Variants in HEATR5A observed in about 807,000 individuals in gnomAD.
HEATR5A encodes HEAT repeat containing 5A.
HEATR5A carries 178 observed loss-of-function variants against 218.8 expected under a neutral mutation model. The observed-to-expected ratio is 0.81, with a 90% CI of 0.72 to 0.92. The LOEUF is 0.92. Among genes scored for constraint, HEATR5A ranks in the 40% least tolerant of loss-of-function variants. HEATR5A has a pLI of 0.00. For synonymous variants in HEATR5A, 864 were observed against 871.6 expected, an observed-to-expected ratio of 0.99 and a Z score of 0.15; for missense variants, 2,420 against 2,418.9, an observed-to-expected ratio of 1.00 and a Z score of -0.01.
chr14:31,382,576 T>C (rs1265861164), intron 10 of HEATR5A, among the ~76,000 whole-genome samples: 5 of 152,092 alleles, frequency 3.3e-5, no homozygotes, highest in Admixed American at 3.3e-4. Flanking sequence ...TGCTTGCCTA[T>C]GTTGTATTAT....
chr14:31,293,938 C>G lies in HEATR5A; in HGVS notation c.5786G>C (p.Gly1929Ala), dbSNP rs1357556541. 1.9e-6 allele frequency: 3 copies of G among 1,607,374 alleles called. No homozygotes were observed. The highest frequency in any genetic ancestry group is 2.5e-6 in the Non-Finnish European group (3 of 1,176,708). ...AACCAGTGTTTCTAAGACCTTTATG[C>G]CTTCTTGGAAGATCTCAAGCTCAGC... is the stretch of plus-strand genomic sequence containing the variant. ...NTAELEIFQE[G>A]IKVLETLVTV... The change falls in exon 35 of 36, where the codon GGC (glycine) becomes GCC (alanine). Residue 1929 changes from glycine (G) to alanine (A), a missense_variant. Gly to Ala is a moderately conservative substitution (Grantham distance 60). Transcript: ENST00000543095.
At chr14:31,337,952 T>C (rs915085132) in intron 21 of HEATR5A, among the ~76,000 whole-genome samples, 2 of 152,234 alleles carry the variant, frequency 1.3e-5, no homozygotes, top group South Asian at 4.1e-4. Context: ...TTGCAGTTCA[T>C]ACATTTGTGT....
intron 14 of HEATR5A, among the ~76,000 whole-genome samples, chr14:31,361,540 T>A (rs550633279): frequency 2.0e-5 from 3 of 152,176 alleles, no homozygotes; most frequent in African/African-American, 7.2e-5. Flanking sequence ...GTGAAAATAG[T>A]AGAAAATCTC....
rs79652671 is a variant in HEATR5A, at chr14:31,392,190, G to A, written c.772+1862C>T. ...GCATAACATCAAAAAGCACTGCCAG[G>A]TGTGGTGTCAGTCTGTCCCTACACA... On this transcript the variant is annotated intron_variant, in intron 6 of 35. Transcript: ENST00000543095. Among the ~76,000 whole-genome samples, 981 of 152,242 alleles carry A rather than the reference G, an allele frequency of 6.4e-3. 9 individuals carry two copies. Among genetic ancestry groups the A allele is most frequent in the Non-Finnish European group, 8.2e-3 (557 of 68,002 alleles).
intron 21 of HEATR5A, among the ~76,000 whole-genome samples, chr14:31,339,295 T>C (rs780364284): frequency 2.1e-5 from 3 of 145,816 alleles, no homozygotes; most frequent in African/African-American, 7.6e-5. Flanking sequence ...ACTAGTAACA[T>C]AAAAATTAGC....
At chr14:31,308,564 T>C (rs1344117810) in intron 29 of HEATR5A, among the ~76,000 whole-genome samples, 2 of 151,152 alleles carry the variant, frequency 1.3e-5, no homozygotes, top group East Asian at 3.9e-4. Flanking sequence ...TTAGTTGCTA[T>C]GAAACAGTTC....
At chr14:31,397,578 G>C (rs551589670) in intron 4 of HEATR5A, among the ~76,000 whole-genome samples, 2 of 151,578 alleles carry the variant, frequency 1.3e-5, no homozygotes, top group African/African-American at 2.4e-5. Flanking sequence ...AGAATTGCTG[G>C]AGCCCAGGAG....
chr14:31,302,153 T>C (rs1899404780), intron 33 of HEATR5A, 142 bp downstream of exon 33: 1 of 647,464 alleles, frequency 1.5e-6, no homozygotes, highest in African/African-American at 1.8e-5. Context: ...TACTTATACA[T>C]ATCCTCTAAA....
At chr14:31,416,273 C>G (rs564840862) in intron 1 of HEATR5A, among the ~76,000 whole-genome samples, 1 of 152,078 alleles carries the variant, frequency 6.6e-6, no homozygotes, top group Non-Finnish European at 1.5e-5. Flanking sequence ...CCGGCCACCA[C>G]GCCCGGCTAA....
At chr14:31,416,371 C>T (rs1024666395) in intron 1 of HEATR5A, among the ~76,000 whole-genome samples, 4 of 152,180 alleles carry the variant, frequency 2.6e-5, no homozygotes, top group Admixed American at 2.6e-4. Flanking sequence ...ATCTGCCCGC[C>T]TTGGCCTCCC....
At chr14:31,374,759 AC>A (rs1002997735) in intron 12 of HEATR5A, 56 bp downstream of exon 12, 1 of 1,507,776 alleles carries the variant, frequency 6.6e-7, no homozygotes, top group African/African-American at 1.4e-5. Context: ...CATGTTAAAG[AC>A]AAAGGGTGGG....
intron 13 of HEATR5A, among the ~76,000 whole-genome samples, chr14:31,366,601 G>A (rs1289021165): frequency 6.6e-6 from 1 of 151,982 alleles, no homozygotes; most frequent in African/African-American, 2.4e-5. Flanking sequence ...GTCCCTGCAG[G>A]GCCTTCCTGC....
At chr14:31,355,256 A>C (rs1177638633) in intron 16 of HEATR5A, among the ~76,000 whole-genome samples, 1 of 152,000 alleles carries the variant, frequency 6.6e-6, no homozygotes, top group Non-Finnish European at 1.5e-5. Flanking sequence ...TCTACTAAAA[A>C]TATAAAAATT....
intron 28 of HEATR5A, among the ~76,000 whole-genome samples, chr14:31,311,872 T>C (rs958051406): frequency 6.6e-6 from 1 of 152,168 alleles, no homozygotes; most frequent in Non-Finnish European, 1.5e-5. Context: ...GGTTTTTATA[T>C]CCTAATGTGA....
chr14:31,404,464 C>G (rs2030987087), intron 1 of HEATR5A, among the ~76,000 whole-genome samples: 1 of 152,084 alleles, frequency 6.6e-6, no homozygotes, highest in African/African-American at 2.4e-5. Context: ...TTTGAAATTA[C>G]TTAGAATATC....
chr14:31,403,752 C>G (rs1332541173), intron 1 of HEATR5A, among the ~76,000 whole-genome samples: 1 of 152,222 alleles, frequency 6.6e-6, no homozygotes, highest in African/African-American at 2.4e-5. Context: ...AAACAATCAA[C>G]AGAAGACACA....
At position 31,401,803 on chromosome 14, in the gene HEATR5A, T is replaced by G. The variant is rs183194811; in HGVS notation, c.126+1047A>C. ...CAGAGCTGACCTTGTAATGGCTACC[T>G]GTTTTATTCAGGTCTATTCCTAAGT... On this transcript the variant is annotated intron_variant, in intron 2 of 35. Coordinates refer to ENST00000543095, the MANE Select transcript of HEATR5A (RefSeq NM_015473.4). Among the ~76,000 whole-genome samples, 197 of 152,372 alleles carry G rather than the reference T, an allele frequency of 1.3e-3. No individual in the cohort carries two copies. The Middle Eastern group carries it at 0.014, about 11-fold the overall frequency.
intron 3 of HEATR5A, among the ~76,000 whole-genome samples, chr14:31,399,456 C>G (rs1400030960): frequency 6.6e-6 from 1 of 152,134 alleles, no homozygotes; most frequent in Non-Finnish European, 1.5e-5. Context: ...ATGTTCTCAT[C>G]AAGTTTGAAA....
At chr14:31,370,022 C>A (rs567261354) in intron 13 of HEATR5A, among the ~76,000 whole-genome samples, 3 of 150,850 alleles carry the variant, frequency 2.0e-5, no homozygotes, top group Non-Finnish European at 4.4e-5. Flanking sequence ...GTCAGGAGAT[C>A]GAGACCATCC....
Sources: allele counts gnomAD v4.1 joint callset (sites outside exome capture counted in the v4.1 genomes callset), GRCh38; gene constraint gnomAD v4.1.1; transcripts MANE v1.5; gene names NCBI Gene and HGNC (gene_info 2026-07-23, HGNC 2026-07-21).